The following HTT variants were observed in gnomAD, a reference collection of about 807,000 sequenced individuals.
The protein encoded by HTT is huntington disease protein.
In HTT, 104 loss-of-function variants were observed where a neutral mutation model predicts 362.3. That is an observed-to-expected ratio of 0.29 (90% CI 0.24 to 0.34). The LOEUF (loss-of-function observed/expected upper bound fraction) is 0.34. Among genes scored for constraint, HTT ranks in the 10% least tolerant of loss-of-function variants. The pLI, the probability that HTT is intolerant of heterozygous loss-of-function variation, is 1.00. For missense variants in HTT, 3,301 were observed against 3,928.6 expected (o/e 0.84, Z 4.27); for synonymous variants, 1,577 against 1,548.7 (o/e 1.02, Z -0.43).
chr4:3,123,874 C>G (rs1715406637), intron 10 of HTT, among the ~76,000 whole-genome samples: 1 of 152,012 alleles, frequency 6.6e-6, no homozygotes, highest in African/African-American at 2.4e-5. Flanking sequence ...ATTTTCTTTT[C>G]CAGTGTGGGT....
chr4:3,229,074 C>G (rs1182164563), intron 59 of HTT, 65 bp downstream of exon 59: 1 of 1,484,052 alleles, frequency 6.7e-7, no homozygotes, highest in Non-Finnish European at 9.3e-7. Context: ...CGCCACACAC[C>G]CCACACACAC....
intron 65 of HTT, 88 bp from the exon 66 acceptor site, chr4:3,238,730 G>GCCCCCCCCCCCCCCCCC: frequency 1.8e-6 from 2 of 1,096,986 alleles, no homozygotes; most frequent in Non-Finnish European, 2.7e-6. Context: ...AATGCCTCTG[G>GCCCCCCCCCCCCCCCCC]CCCCCACCCC....
intron 61 of HTT, among the ~76,000 whole-genome samples, chr4:3,234,890 C>G (rs1721447430): frequency 6.6e-6 from 1 of 152,156 alleles, no homozygotes; most frequent in Non-Finnish European, 1.5e-5. Flanking sequence ...CAGAAGGCAG[C>G]ACGTCATGAT....
At chr4:3,204,292 T>C (rs1193715958) in intron 42 of HTT, 144 bp downstream of exon 42, 2 of 737,858 alleles carry the variant, frequency 2.7e-6, no homozygotes, top group Non-Finnish European at 4.5e-6. Flanking sequence ...CTAGAATGAA[T>C]GTTTACTTCT....
Position 3,211,918 on chromosome 4 carries a change from T to C in HTT, c.6415-11T>C. The C allele has an allele frequency of 6.2e-7, 1 of 1,602,270 alleles. No individual in the cohort carries two copies. The highest frequency in any genetic ancestry group is 8.6e-7 in the Non-Finnish European group (1 of 1,169,198). ...GTTATTGTTTGTTAACCTTTAATGC[T>C]CTGATTTCAGGAGTTCAACCTAAGC... On this transcript the variant is annotated splice_polypyrimidine_tract_variant and intron_variant, in intron 47 of 66. Transcript: ENST00000355072.
rs1165881005 is a variant in HTT, at chr4:3,241,731, G to T, written c.*1672G>T. The T allele has an allele frequency of 1.3e-5, 2 of 152,198 alleles. No individual in the cohort carries two copies. Among genetic ancestry groups the T allele is most frequent in the African/African-American group, 4.8e-5 (2 of 41,448 alleles). 9.4% of individuals were successfully genotyped at this position (152,198 alleles called of 1,614,324 possible). On this transcript the variant is annotated 3_prime_UTR_variant, in exon 67 of 67. Transcript: ENST00000355072. ...CAGCTGAGATGTGGACTTGTATGCT[G>T]CCCACATACGTGAGGGGGAGCTGAA...
intron 1 of HTT, among the ~76,000 whole-genome samples, chr4:3,082,405 A>C (rs1484698920): frequency 1.3e-5 from 2 of 152,232 alleles, no homozygotes; most frequent in African/African-American, 4.8e-5. Context: ...TTCAGACAAC[A>C]AGGAGGAAAA....
At chr4:3,099,439 G>C (rs748604098) in intron 3 of HTT, 45 bp downstream of exon 3, 1 of 1,608,312 alleles carries the variant, frequency 6.2e-7, no homozygotes, top group Admixed American at 1.7e-5. Flanking sequence ...TATCATTGTT[G>C]TAGGCTGAGA....
chr4:3,130,722 C>T (rs1413107990), intron 14 of HTT, among the ~76,000 whole-genome samples: 1 of 152,164 alleles, frequency 6.6e-6, no homozygotes, highest in Non-Finnish European at 1.5e-5. Context: ...TGGCCTGCAA[C>T]GTTTCTTGTT....
chr4:3,085,733 G>T (rs1263515309), intron 1 of HTT, among the ~76,000 whole-genome samples: 1 of 152,146 alleles, frequency 6.6e-6, no homozygotes, highest in African/African-American at 2.4e-5. Context: ...TATTTCTTTG[G>T]TAATACAATT....
intron 1 of HTT, among the ~76,000 whole-genome samples, chr4:3,081,922 T>G (rs1348096278): frequency 2.0e-5 from 3 of 152,056 alleles, no homozygotes; most frequent in Non-Finnish European, 4.4e-5. Context: ...ATTATAAAAG[T>G]TACACATATA....
At chr4:3,081,238 G>T (rs1216780308) in intron 1 of HTT, among the ~76,000 whole-genome samples, 1 of 152,182 alleles carries the variant, frequency 6.6e-6, no homozygotes, top group African/African-American at 2.4e-5. Flanking sequence ...TGTGTAAATG[G>T]TCAGATTGTA....
At chr4:3,134,267 GA>G (rs1715959744) in intron 18 of HTT, 133 bp from the exon 19 acceptor site, 2 of 674,098 alleles carry the variant, frequency 3.0e-6, no homozygotes, top group South Asian at 4.6e-5. Context: ...AGAGGTGTGG[GA>G]AAAATGCAAC....
In HTT at chr4:3,212,108, G is replaced by T; in HGVS notation, c.6594G>T (p.Pro2198=). 1.2e-6 allele frequency: 2 copies of T among 1,613,736 alleles called. No individual in the cohort carries two copies. Among genetic ancestry groups the T allele is most frequent in the Non-Finnish European group, 8.5e-7 (1 of 1,179,712 alleles). ...HVFQPELPAE[P]AAYWSKLNDL... is the part of the protein sequence containing the mutation. The stretch of plus-strand genomic sequence containing the variant: ...TCCAGCCCGAGCTGCCTGCAGAGCC[G>T]GCGGCCTACTGGAGCAAGTTGAATG... The change falls in exon 48 of 67, where the codon CCG becomes CCT. Residue 2198 remains proline, a synonymous_variant. Transcript: ENST00000355072.
At chr4:3,104,991 A>G (rs887553767) in intron 4 of HTT, among the ~76,000 whole-genome samples, 2 of 152,200 alleles carry the variant, frequency 1.3e-5, no homozygotes, top group Non-Finnish European at 2.9e-5. Context: ...GTCGAATACC[A>G]GGTCTTGGGC....
rs780304223 is a variant in HTT, at chr4:3,210,904, C to CTTTTTTTT, written c.6414+963_6414+970dup. ...AAATCCATTTACTAAAATTGTTTATCTTTTTTTTTTTTTTTGAGACAAAGT... is the reference window on the plus strand; with the variant it reads ...AAATCCATTTACTAAAATTGTTTATCTTTTTTTTTTTTTTTTTTTTTTTGAGACAAAGT... On this transcript the variant is annotated intron_variant, in intron 47 of 66. Transcript: ENST00000355072. 1.1e-3 allele frequency among the ~76,000 whole-genome samples: 139 copies of CTTTTTTTT among 122,686 alleles called. 2 individuals carry two copies. The East Asian group carries it at 0.015, about 13-fold the overall frequency. 80.5% of individuals were successfully genotyped at this position (122,686 alleles called of 152,430 possible).
intron 55 of HTT, 87 bp from the exon 56 acceptor site, chr4:3,223,905 G>A (rs1720790842): frequency 2.1e-6 from 3 of 1,435,226 alleles, no homozygotes; most frequent in Middle Eastern, 1.8e-4. Flanking sequence ...GGTTCCTTTA[G>A]GCAAAGCGGA....
intron 36 of HTT, 152 bp from the exon 37 acceptor site, chr4:3,182,202 G>T (rs1718555737): frequency 1.0e-5 from 6 of 575,694 alleles, no homozygotes; most frequent in Admixed American, 9.6e-5. Flanking sequence ...TAGAGTGGGG[G>T]TTGCATTAGT....
At position 3,083,528 on chromosome 4, in the gene HTT, TATAC is replaced by T. The variant is rs1319461472; in HGVS notation, c.264-3409_264-3406del. Among the ~76,000 whole-genome samples, 314 of 83,916 alleles carry T rather than the reference TATAC, an allele frequency of 3.7e-3. 4 individuals are homozygous for T. Among genetic ancestry groups the T allele is most frequent in the Middle Eastern group, 0.011 (2 of 176 alleles). The allele number at this position is 83,916 out of a possible 152,430, so 55.1% of individuals were successfully genotyped here. ...AAGAGAGTGAGACCCTGTCTCTAAA[TATAC>T]ACACACACACACACACACACACACA... is the stretch of plus-strand genomic sequence containing the variant. On this transcript the variant is annotated intron_variant, in intron 1 of 66. Coordinates refer to ENST00000355072, the MANE Select transcript of HTT (RefSeq NM_001388492.1).
Sources: allele counts gnomAD v4.1 joint callset (sites outside exome capture counted in the v4.1 genomes callset), GRCh38; gene constraint gnomAD v4.1.1; transcripts MANE v1.5; gene names NCBI Gene and HGNC (gene_info 2026-07-23, HGNC 2026-07-21).